The following TACR3 variants were observed in gnomAD, a reference collection of about 807,000 sequenced individuals.
TACR3 encodes the protein neuromedin-K receptor.
TACR3 carries 34 observed loss-of-function variants against 35.0 expected under a neutral mutation model. That is an observed-to-expected ratio of 0.97 (90% CI 0.74 to 1.30). TACR3 has a LOEUF of 1.30. Ranked by LOEUF, TACR3 falls within the 50% of genes most tolerant of loss-of-function variation. The pLI is 0.00. For missense variants in TACR3, 558 were observed against 591.7 expected, an observed-to-expected ratio of 0.94 and a Z score of 0.59; for synonymous variants, 233 against 221.1, an observed-to-expected ratio of 1.05 and a Z score of -0.48.
At chr4:103,658,763 A>AT (rs1208997042) in intron 1 of TACR3, among the ~76,000 whole-genome samples, 4 of 152,034 alleles carry the variant, frequency 2.6e-5, no homozygotes, top group Non-Finnish European at 4.4e-5. Flanking sequence ...ATGGAAGATA[A>AT]TTTTTTTCCA....
chr4:103,600,786 A>T lies in TACR3; in HGVS notation c.889-9103T>A, dbSNP rs559972870. ...TGAGCAGTTTTGAGTGAGTTTCTTAATCCTGAGTTCTAGTTTGATTGCACT... is the reference window on the plus strand; with the variant it reads ...TGAGCAGTTTTGAGTGAGTTTCTTATTCCTGAGTTCTAGTTTGATTGCACT... On this transcript the variant is annotated intron_variant, in intron 3 of 4. Transcript: ENST00000304883. 2.0e-5 allele frequency among the ~76,000 whole-genome samples: 3 copies of T among 152,266 alleles called. No individual in the cohort carries two copies. In the East Asian group the frequency reaches 5.8e-4, roughly 29 times the overall value.
At chr4:103,592,006 T>C (rs947064360) in intron 3 of TACR3, among the ~76,000 whole-genome samples, 1 of 152,156 alleles carries the variant, frequency 6.6e-6, no homozygotes, top group Admixed American at 6.6e-5. Context: ...AGATAGGAAC[T>C]AGGATGTGGC....
chr4:103,656,117 A>C (rs143547106), intron 3 of TACR3, 77 bp downstream of exon 3: 2 of 1,541,850 alleles, frequency 1.3e-6, no homozygotes, highest in Non-Finnish European at 1.8e-6. Context: ...TTGTATTAAC[A>C]TGCCATGACT....
intron 3 of TACR3, among the ~76,000 whole-genome samples, chr4:103,642,934 A>T (rs1335502636): frequency 1.3e-5 from 2 of 151,854 alleles, no homozygotes; most frequent in African/African-American, 4.8e-5. Context: ...TACCCCCAAA[A>T]TATGTACAAT....
At chr4:103,636,825 C>T (rs1488140204) in intron 3 of TACR3, among the ~76,000 whole-genome samples, 2 of 152,110 alleles carry the variant, frequency 1.3e-5, no homozygotes, top group Non-Finnish European at 2.9e-5. Context: ...TGCAAATAAA[C>T]TAGAAAATCT....
chr4:103,635,278 A>G (rs1464052763), intron 3 of TACR3, among the ~76,000 whole-genome samples: 1 of 151,900 alleles, frequency 6.6e-6, no homozygotes, highest in Non-Finnish European at 1.5e-5. Flanking sequence ...ACAACTAGAT[A>G]GGGCTAAGGG....
At chr4:103,681,691 A>G (rs555467743) in intron 1 of TACR3, among the ~76,000 whole-genome samples, 84 of 152,160 alleles carry the variant, frequency 5.5e-4, no homozygotes, top group African/African-American at 2.0e-3. Context: ...TCTTTTTAGA[A>G]CTTATAAAAT....
At chr4:103,674,605 G>A (rs1245925111) in intron 1 of TACR3, among the ~76,000 whole-genome samples, 3 of 152,170 alleles carry the variant, frequency 2.0e-5, no homozygotes, top group African/African-American at 7.2e-5. Flanking sequence ...AGGCTGGAGT[G>A]CAGTGGCACA....
chr4:103,597,869 T>G (rs1340024102), intron 3 of TACR3, among the ~76,000 whole-genome samples: 1 of 152,186 alleles, frequency 6.6e-6, no homozygotes, highest in Admixed American at 6.6e-5. Flanking sequence ...ACATTTAAGT[T>G]GGTTCCAAGT....
chr4:103,599,704 T>A (rs1185565812), intron 3 of TACR3, among the ~76,000 whole-genome samples: 2 of 152,182 alleles, frequency 1.3e-5, no homozygotes, highest in Non-Finnish European at 2.9e-5. Context: ...CTGCATCTAT[T>A]GAGATAGTCA....
In TACR3 at chr4:103,719,932, G is replaced by A; in HGVS notation, c.-257C>T. ...GATCCTCCCGAGATTAAGGGTTATCGAGTCACATCACACGTAGGGAGGGTG... is the reference window on the plus strand; with the variant it reads ...GATCCTCCCGAGATTAAGGGTTATCAAGTCACATCACACGTAGGGAGGGTG... On this transcript the variant is annotated 5_prime_UTR_variant, in exon 1 of 5. Coordinates refer to ENST00000304883, the MANE Select transcript of TACR3 (RefSeq NM_001059.3). 1.7e-6 allele frequency: 1 copy of A among 581,916 alleles called. No homozygotes were observed. The highest frequency in any genetic ancestry group is 3.0e-5 in the Admixed American group (1 of 33,402). The allele number at this position is 581,916 out of a possible 1,614,324, so 36.0% of individuals were successfully genotyped here.
chr4:103,625,527 C>T (rs551779881), intron 3 of TACR3, among the ~76,000 whole-genome samples: 1 of 151,814 alleles, frequency 6.6e-6, no homozygotes, highest in African/African-American at 2.4e-5. Context: ...AAAATACTTT[C>T]CTCAATTTTC....
At chr4:103,615,501 C>CTAA (rs776107113) in intron 3 of TACR3, among the ~76,000 whole-genome samples, 1 of 151,280 alleles carries the variant, frequency 6.6e-6, no homozygotes. Context: ...AATAGCAAGC[C>CTAA]TAATTGTTGG....
intron 1 of TACR3, among the ~76,000 whole-genome samples, chr4:103,712,179 C>T (rs146372420): frequency 0.041 from 6,171 of 152,256 alleles, 405 homozygotes; most frequent in African/African-American, 0.14. Flanking sequence ...AAAGAGCCCG[C>T]GTTGCCAAGT....
At chr4:103,647,784 C>T (rs960474459) in intron 3 of TACR3, among the ~76,000 whole-genome samples, 11 of 151,840 alleles carry the variant, frequency 7.2e-5, no homozygotes, top group Non-Finnish European at 8.8e-5. Context: ...AATATTCAGT[C>T]TTTTTACCTA....
chr4:103,656,591 C>T (rs981899303), intron 2 of TACR3, among the ~76,000 whole-genome samples: 3 of 151,980 alleles, frequency 2.0e-5, no homozygotes, highest in African/African-American at 7.2e-5. Flanking sequence ...TTGAAGGGCT[C>T]AGTTAAACAT....
chr4:103,629,862 A>AAAAAAAAAAAAAAC (rs1725011576), intron 3 of TACR3, among the ~76,000 whole-genome samples: 3 of 111,562 alleles, frequency 2.7e-5, no homozygotes, highest in African/African-American at 1.1e-4. Flanking sequence ...AAAAAAAAAC[A>AAAAAAAAAAAAAAC]AAAAAAAAAC....
intron 3 of TACR3, among the ~76,000 whole-genome samples, chr4:103,598,507 GT>G (rs1394881493): frequency 3.9e-5 from 6 of 152,084 alleles, no homozygotes; most frequent in Admixed American, 1.3e-4. Flanking sequence ...CTTTTGGTGT[GT>G]TAGACATGAA....
intron 1 of TACR3, among the ~76,000 whole-genome samples, chr4:103,688,802 A>G (rs145529246): frequency 2.9e-4 from 44 of 152,152 alleles, no homozygotes; most frequent in African/African-American, 8.7e-4. Flanking sequence ...CTGTTGGTGG[A>G]ACTGTAAACT....
Sources: allele counts gnomAD v4.1 joint callset (sites outside exome capture counted in the v4.1 genomes callset), GRCh38; gene constraint gnomAD v4.1.1; transcripts MANE v1.5; gene names NCBI Gene and HGNC (gene_info 2026-07-23, HGNC 2026-07-21).